The following SNW1 variants were observed in gnomAD, a reference collection of about 807,000 sequenced individuals.
SNW1 encodes SNW domain containing 1, also known as SNW domain-containing protein 1.
Under a neutral mutation model 75.6 loss-of-function variants are expected in SNW1, and 9 were observed. That is an observed-to-expected ratio of 0.12 (90% CI 0.07 to 0.21). The LOEUF is 0.21. Among genes scored for constraint, SNW1 ranks in the 10% least tolerant of loss-of-function variants. The pLI is 1.00. For synonymous variants in SNW1, 200 were observed against 219.1 expected, an observed-to-expected ratio of 0.91 and a Z score of 0.77; for missense variants, 409 against 670.9, an observed-to-expected ratio of 0.61 and a Z score of 4.31.
At chr14:77,757,330 G>A (rs2080848687) in intron 1 of SNW1, among the ~76,000 whole-genome samples, 1 of 152,138 alleles carries the variant, frequency 6.6e-6, no homozygotes, top group South Asian at 2.1e-4. Flanking sequence ...AATCCAGTCT[G>A]GGGAGGTAAG....
intron 3 of SNW1, 71 bp from the exon 4 acceptor site, chr14:77,739,132 A>AT (rs2080697187): frequency 1.9e-6 from 2 of 1,037,640 alleles, no homozygotes; most frequent in African/African-American, 1.6e-5. Context: ...GCCATTTCAG[A>AT]TGTCAACATG....
Position 77,733,389 on chromosome 14 carries a change from G to C in SNW1, c.775-788C>G, listed in dbSNP as rs2080642583. Among the ~76,000 whole-genome samples the C allele has an allele frequency of 2.0e-5, 3 of 152,146 alleles. No individual in the cohort carries two copies. In the South Asian group the frequency reaches 6.2e-4, roughly 32 times the overall value. Reference sequence around the variant, plus strand: ...ACTATAATCTTAGCATCTATAGGAAGTTAAATCTGCTGTACTGTCTTAATG... The same window carrying C: ...ACTATAATCTTAGCATCTATAGGAACTTAAATCTGCTGTACTGTCTTAATG... On this transcript the variant is annotated intron_variant, in intron 8 of 13. Transcript: ENST00000261531.
intron 1 of SNW1, 91 bp downstream of exon 1, chr14:77,761,022 TC>T: frequency 1.9e-6 from 3 of 1,614,096 alleles, no homozygotes; most frequent in Non-Finnish European, 2.5e-6. Flanking sequence ...GTGCCCCGGG[TC>T]AGGTCACCGC....
chr14:77,728,459 C>A (rs2080603438), intron 10 of SNW1, among the ~76,000 whole-genome samples: 2 of 151,808 alleles, frequency 1.3e-5, no homozygotes, highest in South Asian at 2.1e-4. Context: ...TTCAAAAAAA[C>A]CAAATAATAA....
intron 3 of SNW1, among the ~76,000 whole-genome samples, chr14:77,747,603 G>A (rs2080771663): frequency 6.6e-6 from 1 of 151,160 alleles, no homozygotes; most frequent in Admixed American, 6.6e-5. Context: ...TCTCTGCCCG[G>A]CCACCCCGTC....
chr14:77,744,462 A>G (rs568951656), intron 3 of SNW1, among the ~76,000 whole-genome samples: 23 of 150,562 alleles, frequency 1.5e-4, no homozygotes, highest in East Asian at 1.2e-3. Flanking sequence ...AAAAAAAAAA[A>G]AAAAGAAAAG....
At chr14:77,742,738 G>C (rs183554200) in intron 3 of SNW1, among the ~76,000 whole-genome samples, 1 of 151,554 alleles carries the variant, frequency 6.6e-6, no homozygotes, top group Non-Finnish European at 1.5e-5. Context: ...GTAACATTTC[G>C]TTTCTTTAAG....
chr14:77,728,816 A>T (rs1327664517), intron 10 of SNW1, among the ~76,000 whole-genome samples: 1 of 152,228 alleles, frequency 6.6e-6, no homozygotes, highest in Non-Finnish European at 1.5e-5. Flanking sequence ...TATCCCAGGG[A>T]TTATGAGATA....
rs115880997 is a variant in SNW1 at position 77,726,825 on chromosome 14, A to C, written c.1034-3548T>G. On this transcript the variant is annotated intron_variant, in intron 10 of 13. Coordinates refer to ENST00000261531, the MANE Select transcript of SNW1 (RefSeq NM_012245.3). ...GTGAGACTCCGTCTCAAAAAAAAAA[A>C]ACCTTTATTCCTAGGTAGTTTTTGG... 7.3e-3 allele frequency among the ~76,000 whole-genome samples: 1,106 copies of C among 152,218 alleles called. 18 individuals are homozygous for C. The highest frequency in any genetic ancestry group is 0.026 in the African/African-American group (1,069 of 41,538).
At chr14:77,730,795 AC>A in intron 10 of SNW1, 192 bp downstream of exon 10, 2 of 566,904 alleles carry the variant, frequency 3.5e-6, no homozygotes, top group Non-Finnish European at 6.0e-6. Flanking sequence ...CAAACTGAAG[AC>A]CCACTTTTTT....
At chr14:77,733,819 T>C in intron 8 of SNW1, 1 of 204,908 alleles carries the variant, frequency 4.9e-6, no homozygotes, top group South Asian at 5.9e-5. Context: ...ATTTCTACAT[T>C]CTAAAACTTT....
At chr14:77,756,816 G>A (rs947627596) in intron 1 of SNW1, among the ~76,000 whole-genome samples, 1 of 152,094 alleles carries the variant, frequency 6.6e-6, no homozygotes, top group African/African-American at 2.4e-5. Context: ...TAGGTGGAGG[G>A]TACAGTGAGC....
At chr14:77,738,698 G>T (rs1170776712) in intron 5 of SNW1, 80 bp downstream of exon 5, 2 of 920,928 alleles carry the variant, frequency 2.2e-6, no homozygotes, top group African/African-American at 3.3e-5. Context: ...GTTGCTAAGT[G>T]GGTTAGTGAA....
At chr14:77,719,639 T>C (rs1359500289) in intron 12 of SNW1, among the ~76,000 whole-genome samples, 1 of 84,202 alleles carries the variant, frequency 1.2e-5, no homozygotes, top group African/African-American at 4.8e-5. Context: ...GGACTCCATA[T>C]CAGAAAACAA....
chr14:77,719,649 A>AAAAC (rs35238991), intron 12 of SNW1, among the ~76,000 whole-genome samples: 107,811 of 150,930 alleles, frequency 0.71, 38,549 homozygotes, highest in Middle Eastern at 0.81. Flanking sequence ...TCAGAAAACA[A>AAAAC]AAACAAACAA....
intron 12 of SNW1, among the ~76,000 whole-genome samples, chr14:77,719,504 G>A (rs1041383851): frequency 1.3e-5 from 2 of 152,132 alleles, no homozygotes; most frequent in African/African-American, 4.8e-5. Flanking sequence ...TGGCATGGTG[G>A]CACATGCCCT....
rs79836413 is a variant in SNW1 at position 77,746,201 on chromosome 14, A to G, written c.330+5118T>C. ...CAGCTTAGTCCTTACCCTAAAGACCATGGAAGCCATAGAAAGATTTTAATT... is the reference window on the plus strand; with the variant it reads ...CAGCTTAGTCCTTACCCTAAAGACCGTGGAAGCCATAGAAAGATTTTAATT... On this transcript the variant is annotated intron_variant, in intron 3 of 13. Coordinates refer to ENST00000261531, the MANE Select transcript of SNW1 (RefSeq NM_012245.3). Among the ~76,000 whole-genome samples, 1,325 of 152,380 alleles carry G rather than the reference A, an allele frequency of 8.7e-3. 16 individuals are homozygous for G. The highest frequency in any genetic ancestry group is 0.031 in the African/African-American group (1,274 of 41,596).
At chr14:77,758,242 T>G (rs2139937832) in intron 1 of SNW1, among the ~76,000 whole-genome samples, 1 of 133,318 alleles carries the variant, frequency 7.5e-6, no homozygotes, top group East Asian at 2.2e-4. Context: ...CACTTGAACC[T>G]GGGAGGTGGA....
In SNW1 at chr14:77,758,954, A is replaced by T. The variant is rs189767179; in HGVS notation, c.14+2160T>A. On this transcript the variant is annotated intron_variant, in intron 1 of 13. Transcript: ENST00000261531. The stretch of plus-strand genomic sequence containing the variant: ...CAGGTTGAAGGCTCAGTCCCACAAG[A>T]CTGCCCTTACTTCAGATGCCAACAG... Among the ~76,000 whole-genome samples the T allele has an allele frequency of 9.2e-5, 14 of 152,314 alleles. No homozygotes were observed. The East Asian group carries it at 2.7e-3, about 29-fold the overall frequency.
Sources: gnomAD v4.1 joint callset for allele counts (sites outside exome capture counted in the v4.1 genomes callset) on GRCh38, gnomAD v4.1.1 for gene constraint, MANE v1.5 for transcripts, NCBI Gene and HGNC (gene_info 2026-07-23, HGNC 2026-07-21) for gene names.